The following PXK variants were observed in gnomAD, a reference collection of about 807,000 sequenced individuals.
PXK encodes PX domain containing serine/threonine kinase like.
PXK carries 35 observed loss-of-function variants against 84.7 expected under a neutral mutation model. The observed-to-expected ratio is 0.41, with a 90% CI of 0.32 to 0.55. The LOEUF (loss-of-function observed/expected upper bound fraction) is 0.55. Ranked by LOEUF, PXK falls within the 20% of genes least tolerant of loss-of-function variation. The pLI is 0.21. For synonymous variants in PXK, 253 were observed against 260.8 expected (o/e 0.97, Z 0.29); for missense variants, 634 against 699.7 (o/e 0.91, Z 1.06).
Position 58,425,285 on chromosome 3 carries a change from C to T in PXK, c.*325C>T, listed in dbSNP as rs2062674691. The T allele has an allele frequency of 3.5e-6, 1 of 288,756 alleles. No homozygotes were observed. Among genetic ancestry groups the T allele is most frequent in the Non-Finnish European group, 6.7e-6 (1 of 149,338 alleles). 17.9% of individuals were successfully genotyped at this position (288,756 alleles called of 1,614,324 possible). Reference sequence around the variant, plus strand: ...AAGGAAATAGACAGAAAAACAATGACAATATTCAATCACAGCAGTAAATGG... The same window carrying T: ...AAGGAAATAGACAGAAAAACAATGATAATATTCAATCACAGCAGTAAATGG... On this transcript the variant is annotated 3_prime_UTR_variant, in exon 18 of 18. Coordinates refer to ENST00000356151, the MANE Select transcript of PXK (RefSeq NM_017771.5).
chr3:58,369,142 G>A (rs2098325299), intron 2 of PXK, among the ~76,000 whole-genome samples: 1 of 152,088 alleles, frequency 6.6e-6, no homozygotes, highest in Admixed American at 6.5e-5. Context: ...AAAGACAATT[G>A]AAGGGCTGTT....
Position 58,416,380 on chromosome 3 carries a change from GGT to G in PXK, c.1528+3418_1528+3419del, listed in dbSNP as rs1388747002. On this transcript the variant is annotated intron_variant, in intron 17 of 17. Transcript: ENST00000356151. The surrounding 1 kb of genome is among the most constrained non-coding windows in gnomAD (Gnocchi z 4.8). The stretch of plus-strand genomic sequence containing the variant: ...TTATTTCCATGCCTTGAGGTTTACA[GGT>G]CCCTAAAAGTTGGGGGCGGTCCCAG... Among the ~76,000 whole-genome samples, 4 of 152,286 alleles carry G rather than the reference GGT, an allele frequency of 2.6e-5. No homozygotes were observed. In the East Asian group the frequency reaches 7.7e-4, roughly 29 times the overall value.
rs987889507 is a variant in PXK at position 58,400,053 on chromosome 3, G to T, written c.1181+676G>T. On this transcript the variant is annotated intron_variant, in intron 12 of 17. Coordinates refer to ENST00000356151, the MANE Select transcript of PXK (RefSeq NM_017771.5). This position sits in a 1 kb window ranked among gnomAD's most constrained non-coding sequence, Gnocchi z 4.0. ...GAGTGGTTAAGAAGGGTGTGCCTGG[G>T]GTGGGACAGACCTGGAGGTGGATTC... is the stretch of plus-strand genomic sequence containing the variant. Among the ~76,000 whole-genome samples the T allele has an allele frequency of 6.6e-6, 1 of 151,974 alleles. No homozygotes were observed. Among genetic ancestry groups the T allele is most frequent in the Non-Finnish European group, 1.5e-5 (1 of 67,996 alleles).
chr3:58,357,292 A>T (rs927486566), intron 1 of PXK, among the ~76,000 whole-genome samples: 7 of 151,654 alleles, frequency 4.6e-5, no homozygotes, highest in African/African-American at 1.7e-4. Flanking sequence ...AAAAAAAAAC[A>T]AAAACTAAGA....
At chr3:58,372,698 C>T (rs1420380929) in intron 3 of PXK, among the ~76,000 whole-genome samples, 1 of 151,654 alleles carries the variant, frequency 6.6e-6, no homozygotes, top group Non-Finnish European at 1.5e-5. Context: ...GTGATCTTGG[C>T]TCACTGCAAT....
At chr3:58,334,852 A>AT (rs1329965238) in intron 1 of PXK, among the ~76,000 whole-genome samples, 1 of 152,206 alleles carries the variant, frequency 6.6e-6, no homozygotes, top group African/African-American at 2.4e-5. Flanking sequence ...AATTGTAAAC[A>AT]TTGAAAAAAT....
rs758111497 is a variant in PXK at position 58,409,044 on chromosome 3, C to T, written c.1308+43C>T. Reference sequence around the variant, plus strand: ...CCTCTTTGCCTTTTAGTGTCCCCATCCTCTGCCGTGGTTTTTATAGTGATT... The same window carrying T: ...CCTCTTTGCCTTTTAGTGTCCCCATTCTCTGCCGTGGTTTTTATAGTGATT... On this transcript the variant is annotated intron_variant, in intron 14 of 17. Coordinates refer to ENST00000356151, the MANE Select transcript of PXK (RefSeq NM_017771.5). This position sits in a 1 kb window ranked among gnomAD's most constrained non-coding sequence, Gnocchi z 4.2. The T allele has an allele frequency of 1.4e-6, 2 of 1,430,506 alleles. No individual in the cohort carries two copies. The highest frequency in any genetic ancestry group is 2.0e-6 in the Non-Finnish European group (2 of 1,019,816). 88.6% of individuals were successfully genotyped at this position (1,430,506 alleles called of 1,614,324 possible).
chr3:58,422,325 G>A (rs1038238202), intron 17 of PXK: 1 of 985,354 alleles, frequency 1.0e-6, no homozygotes, highest in Non-Finnish European at 1.2e-6. Flanking sequence ...TCCTTGCCCT[G>A]GTTGTACATA....
In PXK at chr3:58,364,040, G is replaced by A. The variant is rs866283107; in HGVS notation, c.103-1834G>A. ...GCCTGTTAATATGGCAGATTACATCGATCAGTTTCTGAATGGTGAACCAGC... is the reference window on the plus strand; with the variant it reads ...GCCTGTTAATATGGCAGATTACATCAATCAGTTTCTGAATGGTGAACCAGC... On this transcript the variant is annotated intron_variant, in intron 1 of 17. Transcript: ENST00000356151. This position sits in a 1 kb window ranked among gnomAD's most constrained non-coding sequence, Gnocchi z 4.3. 2.6e-4 allele frequency among the ~76,000 whole-genome samples: 40 copies of A among 152,182 alleles called. No homozygotes were observed. Among genetic ancestry groups the A allele is most frequent in the Middle Eastern group, 3.4e-3 (1 of 294 alleles).
chr3:58,348,721 A>C (rs1191457602), intron 1 of PXK, among the ~76,000 whole-genome samples: 1 of 151,768 alleles, frequency 6.6e-6, no homozygotes, highest in Admixed American at 6.6e-5. Context: ...GACCAGCCTA[A>C]GCAATATAGC....
At chr3:58,367,505 A>G (rs1559944669) in intron 2 of PXK, among the ~76,000 whole-genome samples, 1 of 152,110 alleles carries the variant, frequency 6.6e-6, no homozygotes. Flanking sequence ...TCGGCCTCCC[A>G]AAGTGTTGGG....
intron 1 of PXK, among the ~76,000 whole-genome samples, chr3:58,359,269 C>T (rs1205974638): frequency 2.0e-5 from 3 of 152,060 alleles, no homozygotes; most frequent in Non-Finnish European, 4.4e-5. Flanking sequence ...CAGTGGCTCA[C>T]GCCTGGAATC....
chr3:58,387,397 C>T (rs1352108549), intron 4 of PXK, among the ~76,000 whole-genome samples: 1 of 152,202 alleles, frequency 6.6e-6, no homozygotes, highest in African/African-American at 2.4e-5. Context: ...TACTGTGTGC[C>T]ATGTGCTATG....
Position 58,360,895 on chromosome 3 carries a change from GATTTA to G in PXK, c.103-4973_103-4969del, listed in dbSNP as rs751671181. Among the ~76,000 whole-genome samples, 9 of 151,896 alleles carry G rather than the reference GATTTA, an allele frequency of 5.9e-5. No individual in the cohort carries two copies. The East Asian group carries it at 1.4e-3, about 23-fold the overall frequency. ...TTGAGGAAACAATAACATTCTTTAT[GATTTA>G]ATTTATACTTTCATCATAATGTCCT... On this transcript the variant is annotated intron_variant, in intron 1 of 17. Coordinates refer to ENST00000356151, the MANE Select transcript of PXK (RefSeq NM_017771.5).
rs965169783 is a variant in PXK, at chr3:58,421,298, G to A, written c.1529-3454G>A. ...ATGGGCCTAAGAGTCGGTGGGGAAG[G>A]GAGCCAGGCGCAGTGGCTCACATCT... On this transcript the variant is annotated intron_variant, in intron 17 of 17. Transcript: ENST00000356151. The surrounding 1 kb of genome is among the most constrained non-coding windows in gnomAD (Gnocchi z 5.5). 2 of 985,128 alleles carry A rather than the reference G, an allele frequency of 2.0e-6. No homozygotes were observed. The highest frequency in any genetic ancestry group is 3.5e-5 in the African/African-American group (2 of 57,194). 61.0% of individuals were successfully genotyped at this position (985,128 alleles called of 1,614,324 possible).
rs2097542229 is a variant in PXK at position 58,333,889 on chromosome 3, T to G, written c.102+799T>G. Among the ~76,000 whole-genome samples, 1 of 151,280 alleles carries G rather than the reference T, an allele frequency of 6.6e-6. No homozygotes were observed. Among genetic ancestry groups the G allele is most frequent in the Non-Finnish European group, 1.5e-5 (1 of 67,912 alleles). On this transcript the variant is annotated intron_variant, in intron 1 of 17. Transcript: ENST00000356151. This position sits in a 1 kb window ranked among gnomAD's most constrained non-coding sequence, Gnocchi z 5.4. ...ATTTGCTTGTACCTTTTTTTTTTTT[T>G]GAAAGGCCCACTATGCATTATAATT... is the stretch of plus-strand genomic sequence containing the variant.
intron 1 of PXK, among the ~76,000 whole-genome samples, chr3:58,359,490 C>T (rs1270820067): frequency 6.7e-6 from 1 of 149,060 alleles, no homozygotes; most frequent in East Asian, 2.0e-4. Flanking sequence ...GAGATCGCGC[C>T]ACTGCACTCC....
chr3:58,349,326 A>T (rs1376138199), intron 1 of PXK, among the ~76,000 whole-genome samples: 1 of 150,392 alleles, frequency 6.6e-6, no homozygotes, highest in Admixed American at 6.6e-5. Context: ...ATAACACACT[A>T]TGTTTAGTAT....
At chr3:58,337,197 C>T (rs1242225417) in intron 1 of PXK, among the ~76,000 whole-genome samples, 2 of 152,122 alleles carry the variant, frequency 1.3e-5, no homozygotes, top group African/African-American at 4.8e-5. Context: ...TTTTGAGAAA[C>T]AGATAATTAT....
Sources: allele counts gnomAD v4.1 joint callset (sites outside exome capture counted in the v4.1 genomes callset), GRCh38; gene constraint gnomAD v4.1.1; non-coding constraint Gnocchi (gnomAD v3.1); transcripts MANE v1.5; gene names NCBI Gene and HGNC (gene_info 2026-07-23, HGNC 2026-07-21).